The following ZFHX3 variants were observed in gnomAD, a reference collection of about 807,000 sequenced individuals.
The protein encoded by ZFHX3 is zinc finger homeobox protein 3.
Under a neutral mutation model 279.1 loss-of-function variants are expected in ZFHX3, and 42 were observed. The ratio of observed to expected loss-of-function variants is 0.15; its 90% CI spans 0.12 to 0.19. ZFHX3 has a LOEUF of 0.19. ZFHX3 is among the 10% of genes least tolerant of loss of function. The pLI, the probability that ZFHX3 is intolerant of heterozygous loss-of-function variation, is 1.00. For missense variants in ZFHX3, 4,981 were observed against 4,754.0 expected (o/e 1.05, Z -1.40); for synonymous variants, 2,293 against 1,957.8 (o/e 1.17, Z -4.52).
chr16:72,952,656 G>A (rs573598667), intron 2 of ZFHX3, among the ~76,000 whole-genome samples: 30 of 152,310 alleles, frequency 2.0e-4, no homozygotes, highest in Admixed American at 1.6e-3. Context: ...TCAGCTCCAC[G>A]TCTCCACGAA....
At chr16:73,049,438 A>G (rs1015368633), upstream of ZFHX3, among the ~76,000 whole-genome samples, 1 of 152,248 alleles carries the variant, frequency 6.6e-6, no homozygotes, top group Non-Finnish European at 1.5e-5. Context: ...CGGGAGAAAA[A>G]GGGATGCTTA....
chr16:73,744,175 TA>T (rs2053684133), intron 1 of ZFHX3, among the ~76,000 whole-genome samples: 1 of 152,216 alleles, frequency 6.6e-6, no homozygotes, highest in African/African-American at 2.4e-5. Context: ...GGCATAACAT[TA>T]AAATGGCATG....
At chr16:72,915,419 G>A (rs918436276) in intron 3 of ZFHX3, among the ~76,000 whole-genome samples, 8 of 152,116 alleles carry the variant, frequency 5.3e-5, no homozygotes, top group African/African-American at 1.9e-4. Context: ...GCGGGCCTCT[G>A]CTCCAACCTG....
At chr16:73,424,000 A>G (rs573781763) in intron 3 of ZFHX3, among the ~76,000 whole-genome samples, 1 of 152,294 alleles carries the variant, frequency 6.6e-6, no homozygotes, top group Non-Finnish European at 1.5e-5. Context: ...GGGCCAGCTA[A>G]CACATCAAGG....
intron 1 of ZFHX3, among the ~76,000 whole-genome samples, chr16:73,854,221 G>C (rs1449938338): frequency 6.6e-6 from 1 of 152,246 alleles, no homozygotes; most frequent in Non-Finnish European, 1.5e-5. Context: ...GAAATTTAAA[G>C]AGCATTATAA....
At chr16:73,417,988 CAAAA>C (rs71156161) in intron 3 of ZFHX3, among the ~76,000 whole-genome samples, 23 of 57,858 alleles carry the variant, frequency 4.0e-4, no homozygotes, top group African/African-American at 1.2e-3. Context: ...GACTCCATCT[CAAAA>C]AAAAAAAAAA....
intron 5 of ZFHX3, among the ~76,000 whole-genome samples, chr16:73,205,301 A>G (rs531322505): frequency 3.3e-4 from 51 of 152,320 alleles, no homozygotes; most frequent in African/African-American, 1.2e-3. Flanking sequence ...AGTGACAGAT[A>G]TGACTATACA....
intron 7 of ZFHX3, among the ~76,000 whole-genome samples, chr16:73,113,514 G>C (rs889301733): frequency 1.3e-5 from 2 of 152,138 alleles, no homozygotes; most frequent in African/African-American, 2.4e-5. Flanking sequence ...GGCATCCTTC[G>C]AGGCCTTGCT....
At chr16:73,109,355 G>A (rs369297227) in intron 7 of ZFHX3, among the ~76,000 whole-genome samples, 17 of 152,048 alleles carry the variant, frequency 1.1e-4, no homozygotes, top group African/African-American at 4.1e-4. Context: ...GAAGCGCTTC[G>A]TATTAATCCA....
chr16:73,171,543 AATTT>A (rs1317566570), intron 5 of ZFHX3, among the ~76,000 whole-genome samples: 4 of 151,916 alleles, frequency 2.6e-5, no homozygotes, highest in Non-Finnish European at 5.9e-5. Flanking sequence ...CGTTCCTTGC[AATTT>A]CACAGCCGCA....
At chr16:73,042,476 C>A (rs1965154305) in intron 1 of ZFHX3, among the ~76,000 whole-genome samples, 1 of 152,126 alleles carries the variant, frequency 6.6e-6, no homozygotes, top group Admixed American at 6.5e-5. Context: ...CAAAACTGTT[C>A]TTTTGCCTCC....
chr16:72,788,488 TCTC>T lies in ZFHX3; in HGVS notation c.9785_9787del (p.Gly3262del), dbSNP rs756569974. 1.2e-6 allele frequency: 2 copies of T among 1,614,050 alleles called. No homozygotes were observed. Among genetic ancestry groups the T allele is most frequent in the African/African-American group, 2.7e-5 (2 of 74,920 alleles). On this transcript the variant is annotated inframe_deletion, in exon 10 of 10. Coordinates refer to ENST00000268489, the MANE Select transcript of ZFHX3 (RefSeq NM_006885.4). Reference sequence around the variant, plus strand: ...CGTGGCTGCAGTTGCCGTGGGGGCCTCTCCTTTCTCCTTCTTGGGGACAGGCAG... The same window carrying T: ...CGTGGCTGCAGTTGCCGTGGGGGCCTCTTTCTCCTTCTTGGGGACAGGCAG...
intron 4 of ZFHX3, among the ~76,000 whole-genome samples, chr16:73,305,247 G>T (rs1335992324): frequency 6.6e-6 from 1 of 152,064 alleles, no homozygotes; most frequent in Admixed American, 6.6e-5. Context: ...AATTCACCAG[G>T]GGAGCCTGGA....
At chr16:73,148,535 T>C (rs1966878718) in intron 5 of ZFHX3, among the ~76,000 whole-genome samples, 1 of 148,904 alleles carries the variant, frequency 6.7e-6, no homozygotes, top group South Asian at 2.1e-4. Flanking sequence ...CAAATGCGCC[T>C]TCGTCTGGCA....
chr16:73,652,466 G>C (rs947550321), intron 2 of ZFHX3, among the ~76,000 whole-genome samples: 3 of 152,088 alleles, frequency 2.0e-5, no homozygotes, highest in Non-Finnish European at 2.9e-5. Context: ...TCTCACTAAA[G>C]AAAATAAAAT....
intron 3 of ZFHX3, among the ~76,000 whole-genome samples, chr16:72,936,572 T>G (rs1824373160): frequency 6.6e-6 from 1 of 152,150 alleles, no homozygotes; most frequent in Non-Finnish European, 1.5e-5. Context: ...ATACACTCAG[T>G]AGAACAGCAA....
intron 2 of ZFHX3, among the ~76,000 whole-genome samples, chr16:73,599,890 T>A (rs1315467714): frequency 1.3e-5 from 2 of 152,134 alleles, no homozygotes; most frequent in Non-Finnish European, 2.9e-5. Context: ...TTACTGTTGA[T>A]TAGATAGATG....
chr16:72,899,090 T>C (rs2038970101), intron 3 of ZFHX3, among the ~76,000 whole-genome samples: 1 of 152,224 alleles, frequency 6.6e-6, no homozygotes, highest in South Asian at 2.1e-4. Context: ...ACAGCAACTT[T>C]CTTCATTTGT....
At chr16:72,825,002 C>T (rs2036898411) in intron 5 of ZFHX3, among the ~76,000 whole-genome samples, 1 of 152,248 alleles carries the variant, frequency 6.6e-6, no homozygotes, top group South Asian at 2.1e-4. Context: ...ATCACACTTT[C>T]CTTGACAAGA....
Sources: gnomAD v4.1 joint callset for allele counts (sites outside exome capture counted in the v4.1 genomes callset) on GRCh38, gnomAD v4.1.1 for gene constraint, MANE v1.5 for transcripts, NCBI Gene and HGNC (gene_info 2026-07-23, HGNC 2026-07-21) for gene names.